The following CLIP4 variants were observed in gnomAD, a reference collection of about 807,000 sequenced individuals.
CLIP4 encodes CAP-Gly domain-containing linker protein 4.
CLIP4 carries 47 observed loss-of-function variants against 73.1 expected under a neutral mutation model. That is an observed-to-expected ratio of 0.64 (90% confidence interval 0.51 to 0.82). CLIP4 has a LOEUF of 0.82. Among genes scored for constraint, CLIP4 ranks in the 40% least tolerant of loss-of-function variants. CLIP4 has a pLI of 0.00. For missense variants in CLIP4, 874 were observed against 852.9 expected, an observed-to-expected ratio of 1.02 and a Z score of -0.31; for synonymous variants, 306 against 295.4, an observed-to-expected ratio of 1.04 and a Z score of -0.37.
intron 12 of CLIP4, among the ~76,000 whole-genome samples, 163 bp from the exon 13 acceptor site, chr2:29,163,668 A>G (rs1667427150): frequency 6.6e-6 from 1 of 152,200 alleles, no homozygotes; most frequent in African/African-American, 2.4e-5. Context: ...TGAATTTTCA[A>G]AGTTTACAAT....
chr2:29,154,837 C>A (rs959515043), intron 9 of CLIP4, among the ~76,000 whole-genome samples: 1 of 152,118 alleles, frequency 6.6e-6, no homozygotes, highest in African/African-American at 2.4e-5. Flanking sequence ...GCTGCGGAAG[C>A]GGAACCCACA....
At chr2:29,167,209 G>A in intron 13 of CLIP4, among the ~76,000 whole-genome samples, 1 of 151,980 alleles carries the variant, frequency 6.6e-6, no homozygotes, top group East Asian at 1.9e-4. Flanking sequence ...TTGAAGATGA[G>A]GTTACAAAGA....
intron 6 of CLIP4, among the ~76,000 whole-genome samples, chr2:29,142,478 A>G (rs546511059): frequency 1.2e-3 from 175 of 152,044 alleles, no homozygotes; most frequent in East Asian, 1.4e-3. Context: ...ATGTTTCCCT[A>G]TTTTTCTCTC....
intron 1 of CLIP4, among the ~76,000 whole-genome samples, chr2:29,107,582 G>A (rs1025739845): frequency 3.3e-5 from 5 of 151,558 alleles, no homozygotes; most frequent in African/African-American, 9.7e-5. Flanking sequence ...CACCATGTTG[G>A]TCAGGCTGGT....
intron 9 of CLIP4, 44 bp from the exon 10 acceptor site, chr2:29,156,310 A>G (rs1250568549): frequency 2.3e-6 from 3 of 1,302,342 alleles, no homozygotes; most frequent in African/African-American, 1.5e-5. Context: ...TTTTATGTTT[A>G]ATGTTAAAAT....
intron 15 of CLIP4, among the ~76,000 whole-genome samples, chr2:29,180,834 ATATG>A (rs577507010): frequency 3.0e-5 from 4 of 132,490 alleles, no homozygotes; most frequent in Admixed American, 7.2e-5. Context: ...GAAAGCATAT[ATATG>A]TATGTGTGTG....
At chr2:29,152,251 T>C (rs1384218815) in intron 8 of CLIP4, among the ~76,000 whole-genome samples, 2 of 152,194 alleles carry the variant, frequency 1.3e-5, no homozygotes, top group Admixed American at 1.3e-4. Flanking sequence ...ATTTTTATGC[T>C]CTATGGCTCA....
At chr2:29,099,018 G>C (rs1667959814) in intron 1 of CLIP4, among the ~76,000 whole-genome samples, 1 of 152,142 alleles carries the variant, frequency 6.6e-6, no homozygotes, top group Non-Finnish European at 1.5e-5. Flanking sequence ...CTTTGGTGAG[G>C]TGTCTGTTCA....
At chr2:29,108,397 C>A (rs1668293122) in intron 1 of CLIP4, among the ~76,000 whole-genome samples, 1 of 152,108 alleles carries the variant, frequency 6.6e-6, no homozygotes, top group Non-Finnish European at 1.5e-5. Context: ...GTGTGGAGGC[C>A]CTGGACAAAG....
At chr2:29,112,922 T>C (rs1349222106), upstream of CLIP4, among the ~76,000 whole-genome samples, 3 of 152,242 alleles carry the variant, frequency 2.0e-5, no homozygotes, top group Admixed American at 6.5e-5. Context: ...CCTTTTATCA[T>C]GGTCGGGGTC....
intron 13 of CLIP4, 46 bp downstream of exon 13, chr2:29,164,000 C>A (rs1224742667): frequency 2.6e-6 from 4 of 1,529,550 alleles, no homozygotes; most frequent in East Asian, 2.3e-5. Flanking sequence ...TTTTTGTAAT[C>A]TGCAGTGGTT....
chr2:29,101,286 T>TA (rs1668037763), intron 1 of CLIP4, among the ~76,000 whole-genome samples: 1 of 99,090 alleles, frequency 1.0e-5, no homozygotes. Flanking sequence ...TTTTTTTTTT[T>TA]CCCCCCCCCA....
At chr2:29,113,550 G>A (rs1668436410), upstream of CLIP4, among the ~76,000 whole-genome samples, 1 of 152,198 alleles carries the variant, frequency 6.6e-6, no homozygotes, top group South Asian at 2.1e-4. The surrounding 1 kb of genome is among the most constrained non-coding windows in gnomAD (Gnocchi z 4.0). Context: ...TTGAACAAAG[G>A]CAACTAAGTG....
At chr2:29,171,186 G>C (rs1667977816) in intron 14 of CLIP4, among the ~76,000 whole-genome samples, 1 of 152,104 alleles carries the variant, frequency 6.6e-6, no homozygotes, top group South Asian at 2.1e-4. Flanking sequence ...GATCAAGTTG[G>C]GAAGAACTGA....
chr2:29,143,647 T>G, intron 6 of CLIP4, 62 bp from the exon 7 acceptor site: 1 of 1,118,376 alleles, frequency 8.9e-7, no homozygotes, highest in Non-Finnish European at 1.3e-6. Context: ...AACAGAAATT[T>G]TATATGACTT....
At chr2:29,118,105 C>T (rs1663994980) in intron 1 of CLIP4, 1 of 152,174 alleles carries the variant, frequency 6.6e-6, no homozygotes, top group Admixed American at 6.5e-5. Flanking sequence ...TGACTCATAA[C>T]AAAGTATTAC....
chr2:29,181,330 G>A (rs1040110710), intron 15 of CLIP4, among the ~76,000 whole-genome samples: 1 of 152,190 alleles, frequency 6.6e-6, no homozygotes, highest in East Asian at 1.9e-4. Context: ...CCCAGGTGGC[G>A]GAGGTGGAAG....
chr2:29,131,295 G>C lies in CLIP4; in HGVS notation c.171G>C (p.Gln57His), dbSNP rs1664951396. The C allele has an allele frequency of 6.2e-7, 1 of 1,609,404 alleles. No individual in the cohort carries two copies. The change falls in exon 3 of 16, where the codon CAG becomes CAC. Residue 57 changes from glutamine to histidine, a missense_variant. Coordinates refer to ENST00000320081, the MANE Select transcript of CLIP4 (RefSeq NM_024692.6). Reference protein sequence around the residue: ...SFFDPNDASCQEILFDPKTSV... With the variant: ...SFFDPNDASCHEILFDPKTSV... ...TTGATCCTAATGATGCATCATGCCA[G>C]GAAATTCTTTTTGATCCCAAAACTT... is the stretch of plus-strand genomic sequence containing the variant.
At chr2:29,138,294 T>C (rs752592870) in intron 6 of CLIP4, among the ~76,000 whole-genome samples, 2 of 152,190 alleles carry the variant, frequency 1.3e-5, no homozygotes, top group African/African-American at 2.4e-5. Flanking sequence ...TTGTCAGCTT[T>C]GTCAAAGATC....
Sources: allele counts gnomAD v4.1 joint callset (sites outside exome capture counted in the v4.1 genomes callset), GRCh38; gene constraint gnomAD v4.1.1; non-coding constraint Gnocchi (gnomAD v3.1); transcripts MANE v1.5; gene names NCBI Gene and HGNC (gene_info 2026-07-23, HGNC 2026-07-21).